The following CD86 variants were observed in gnomAD, a reference collection of about 807,000 sequenced individuals.
CD86 encodes the protein CD86 molecule, also known as T-lymphocyte activation antigen CD86.
In CD86, 11 loss-of-function variants were observed where a neutral mutation model predicts 32.1. That is an observed-to-expected ratio of 0.34 (90% confidence interval 0.22 to 0.57). The LOEUF (loss-of-function observed/expected upper bound fraction) is 0.57, where lower values mean the gene tolerates loss of function less well. Among genes scored for constraint, CD86 ranks in the 20% least tolerant of loss-of-function variants. CD86 has a pLI of 0.86. For synonymous variants in CD86, 137 were observed against 135.3 expected (o/e 1.01, Z -0.09); for missense variants, 359 against 398.4 (o/e 0.90, Z 0.84).
chr3:122,095,154 T>C (rs2072886051), intron 2 of CD86, among the ~76,000 whole-genome samples: 1 of 148,696 alleles, frequency 6.7e-6, no homozygotes, highest in African/African-American at 2.5e-5. Context: ...GTAGTTGGAA[T>C]ATTTCTTCAC....
chr3:122,119,273 G>C (rs1194420003), intron 6 of CD86, among the ~76,000 whole-genome samples, 165 bp from the exon 7 acceptor site: 1 of 152,222 alleles, frequency 6.6e-6, no homozygotes, highest in African/African-American at 2.4e-5. Context: ...TGACAGTGTA[G>C]ACCGTGGTTC....
At chr3:122,087,374 C>G (rs978031141) in intron 1 of CD86, among the ~76,000 whole-genome samples, 1 of 152,112 alleles carries the variant, frequency 6.6e-6, no homozygotes, top group Non-Finnish European at 1.5e-5. Flanking sequence ...CTTTACAGGC[C>G]CACTGGAGAA....
Position 122,115,816 on chromosome 3 carries a change from GTAA to G in CD86, c.848-2230_848-2228del, listed in dbSNP as rs1187759277. On this transcript the variant is annotated intron_variant, in intron 5 of 6. Coordinates refer to ENST00000330540, the MANE Select transcript of CD86 (RefSeq NM_175862.5). ...CTAATTTCAATATTTACTATATATA[GTAA>G]TTAATACAGTGTGATATTGGTAAAA... Among the ~76,000 whole-genome samples the G allele has an allele frequency of 2.8e-5, 4 of 144,472 alleles. No individual in the cohort carries two copies. In the Admixed American group the frequency reaches 2.8e-4, roughly 10 times the overall value. 94.8% of individuals were successfully genotyped at this position (144,472 alleles called of 152,430 possible).
intron 2 of CD86, among the ~76,000 whole-genome samples, chr3:122,102,308 T>C (rs1358204934): frequency 6.6e-6 from 1 of 151,518 alleles, no homozygotes; most frequent in African/African-American, 2.4e-5. Context: ...ATTTAGAACT[T>C]ACACTAACTT....
At chr3:122,108,670 G>A (rs1486596031) in intron 4 of CD86, among the ~76,000 whole-genome samples, 1 of 152,176 alleles carries the variant, frequency 6.6e-6, no homozygotes, top group East Asian at 1.9e-4. Context: ...CTCAAGGCAT[G>A]AAGAAACATC....
intron 1 of CD86, among the ~76,000 whole-genome samples, chr3:122,056,387 T>A (rs1301148864): frequency 2.6e-5 from 4 of 152,150 alleles, no homozygotes; most frequent in Non-Finnish European, 4.4e-5. Context: ...CAAGCTGGAG[T>A]GCAGTGGCGC....
chr3:122,109,538 T>G, intron 5 of CD86, 130 bp downstream of exon 5: 2 of 1,066,514 alleles, frequency 1.9e-6, no homozygotes, highest in Non-Finnish European at 2.8e-6. Flanking sequence ...GAAAAAAGGT[T>G]TTCCCTTGGA....
intron 2 of CD86, among the ~76,000 whole-genome samples, chr3:122,098,766 G>A (rs2681416): frequency 0.26 from 38,845 of 152,116 alleles, 5,317 homozygotes; most frequent in Non-Finnish European, 0.32. Context: ...AGTAGTTCTA[G>A]ATCTCCTCAG....
chr3:122,106,971 C>T (rs1020367290), intron 4 of CD86, among the ~76,000 whole-genome samples: 10 of 151,990 alleles, frequency 6.6e-5, no homozygotes, highest in African/African-American at 2.4e-4. Context: ...TATGACACCC[C>T]CTCTGCCCTT....
chr3:122,091,416 G>A (rs2072817330), intron 1 of CD86, among the ~76,000 whole-genome samples, 185 bp from the exon 2 acceptor site: 1 of 152,144 alleles, frequency 6.6e-6, no homozygotes, highest in Non-Finnish European at 1.5e-5. Flanking sequence ...GGGAGGCTGG[G>A]AAATGTGACC....
intron 5 of CD86, among the ~76,000 whole-genome samples, chr3:122,117,585 C>T (rs988937187): frequency 6.6e-6 from 1 of 152,254 alleles, no homozygotes; most frequent in African/African-American, 2.4e-5. Flanking sequence ...CTAGAAATTT[C>T]CCACTTGGCC....
intron 5 of CD86, among the ~76,000 whole-genome samples, chr3:122,113,395 A>G (rs2073203730): frequency 6.6e-6 from 1 of 152,252 alleles, no homozygotes; most frequent in African/African-American, 2.4e-5. Flanking sequence ...ATTAAATAGT[A>G]GAGTTCTACT....
intron 2 of CD86, among the ~76,000 whole-genome samples, chr3:122,092,938 C>G (rs977661046): frequency 6.6e-6 from 1 of 152,288 alleles, no homozygotes; most frequent in Middle Eastern, 3.4e-3. Flanking sequence ...TGCTTAGCAC[C>G]TTGAGCTTGT....
At chr3:122,066,492 A>G (rs551850386) in intron 1 of CD86, among the ~76,000 whole-genome samples, 3 of 152,220 alleles carry the variant, frequency 2.0e-5, no homozygotes, top group Non-Finnish European at 4.4e-5. Flanking sequence ...ATTCAATTCT[A>G]TATCCTGCTA....
chr3:122,088,180 CT>C (rs2072755132), intron 1 of CD86, among the ~76,000 whole-genome samples: 1 of 140,466 alleles, frequency 7.1e-6, no homozygotes, highest in South Asian at 2.3e-4. Context: ...TCAAAGGGCC[CT>C]CTTTTTTTTT....
chr3:122,068,640 G>A (rs1046317905), intron 1 of CD86, among the ~76,000 whole-genome samples: 10 of 152,200 alleles, frequency 6.6e-5, no homozygotes, highest in Non-Finnish European at 1.2e-4. Flanking sequence ...CATCACAGGT[G>A]TTGGTAGTTT....
At chr3:122,066,214 C>A (rs1215312857) in intron 1 of CD86, among the ~76,000 whole-genome samples, 2 of 152,144 alleles carry the variant, frequency 1.3e-5, no homozygotes, top group African/African-American at 4.8e-5. Context: ...GAACTTTGGA[C>A]AGGTTATTAC....
chr3:122,071,240 A>G (rs890473938), intron 1 of CD86, among the ~76,000 whole-genome samples: 24 of 152,256 alleles, frequency 1.6e-4, no homozygotes, highest in Admixed American at 7.9e-4. Context: ...ATCATACAGA[A>G]TAGCTTCACT....
chr3:122,057,920 C>T (rs376783167), intron 1 of CD86, among the ~76,000 whole-genome samples: 57 of 152,196 alleles, frequency 3.7e-4, no homozygotes, highest in African/African-American at 1.1e-3. Flanking sequence ...GCTAAGTGGC[C>T]GCACATTGAA....
Sources: allele counts gnomAD v4.1 joint callset (sites outside exome capture counted in the v4.1 genomes callset), GRCh38; gene constraint gnomAD v4.1.1; transcripts MANE v1.5; gene names NCBI Gene and HGNC (gene_info 2026-07-23, HGNC 2026-07-21).